The following CNTNAP2 variants were observed in gnomAD, a reference collection of about 807,000 sequenced individuals.
The protein encoded by CNTNAP2 is contactin associated protein 2.
In CNTNAP2, 98 loss-of-function variants were observed where a neutral mutation model predicts 155.2. That is an observed-to-expected ratio of 0.63 (90% confidence interval 0.54 to 0.75). The LOEUF (loss-of-function observed/expected upper bound fraction) is 0.75, where lower values mean the gene tolerates loss of function less well. Ranked by LOEUF, CNTNAP2 falls within the 30% of genes least tolerant of loss-of-function variation. The pLI, the probability that CNTNAP2 is intolerant of heterozygous loss-of-function variation, is 0.00. For missense variants in CNTNAP2, 1,727 were observed against 1,688.1 expected (o/e 1.02, Z -0.40); for synonymous variants, 651 against 631.2 (o/e 1.03, Z -0.47).
At chr7:146,381,021 A>G (rs1250446499) in intron 1 of CNTNAP2, among the ~76,000 whole-genome samples, 1 of 151,168 alleles carries the variant, frequency 6.6e-6, no homozygotes, top group Non-Finnish European at 1.5e-5. Flanking sequence ...GATGGTCTCG[A>G]TCTCCTGACC....
chr7:148,401,542 G>A (rs201914687), intron 22 of CNTNAP2, among the ~76,000 whole-genome samples: 18 of 151,726 alleles, frequency 1.2e-4, no homozygotes, highest in East Asian at 9.7e-4. Flanking sequence ...CCTTACCTTC[G>A]TGTTTATTTT....
chr7:146,794,242 G>C (rs1267232286), intron 2 of CNTNAP2, among the ~76,000 whole-genome samples: 1 of 152,088 alleles, frequency 6.6e-6, no homozygotes, highest in African/African-American at 2.4e-5. Flanking sequence ...TGTAGAAATA[G>C]TATTATCTCC....
intron 3 of CNTNAP2, among the ~76,000 whole-genome samples, chr7:146,905,799 G>A (rs926729064): frequency 5.9e-5 from 9 of 152,204 alleles, no homozygotes; most frequent in Admixed American, 5.9e-4. Flanking sequence ...GAGGAGCCAA[G>A]ATGGCCGAAT....
At chr7:146,362,878 C>A (rs572570600) in intron 1 of CNTNAP2, among the ~76,000 whole-genome samples, 21 of 146,106 alleles carry the variant, frequency 1.4e-4, no homozygotes, top group African/African-American at 4.8e-4. Flanking sequence ...TCAAGAGATT[C>A]TCCTGCCTCA....
At position 146,847,143 on chromosome 7, in the gene CNTNAP2, T is replaced by C. The variant is rs116737657; in HGVS notation, c.402+7239T>C. 5.2e-3 allele frequency among the ~76,000 whole-genome samples: 790 copies of C among 151,402 alleles called. 9 individuals carry two copies. Among genetic ancestry groups the C allele is most frequent in the African/African-American group, 0.018 (753 of 40,758 alleles). On this transcript the variant is annotated intron_variant, in intron 3 of 23. Coordinates refer to ENST00000361727, the MANE Select transcript of CNTNAP2 (RefSeq NM_014141.6). The stretch of plus-strand genomic sequence containing the variant: ...AATACATAGTTATATAATGTGTTGA[T>C]AAATGGGTACCTACAAATAATTTGA...
intron 11 of CNTNAP2, among the ~76,000 whole-genome samples, chr7:147,486,332 G>T (rs1457578552): frequency 1.3e-5 from 2 of 152,126 alleles, no homozygotes; most frequent in Non-Finnish European, 2.9e-5. Context: ...GCCTCTCTGT[G>T]TCTAACCCAC....
chr7:148,011,762 T>C (rs1205151458), intron 15 of CNTNAP2, among the ~76,000 whole-genome samples: 1 of 152,234 alleles, frequency 6.6e-6, no homozygotes, highest in African/African-American at 2.4e-5. Context: ...TAGACCTCTG[T>C]GAGGGCAGGC....
At chr7:146,369,688 T>C (rs940002650) in intron 1 of CNTNAP2, among the ~76,000 whole-genome samples, 1 of 152,198 alleles carries the variant, frequency 6.6e-6, no homozygotes, top group Non-Finnish European at 1.5e-5. Context: ...AAAAGCTACT[T>C]GAGTTTTTAA....
At chr7:146,171,741 A>AG (rs1798393801) in intron 1 of CNTNAP2, among the ~76,000 whole-genome samples, 1 of 152,138 alleles carries the variant, frequency 6.6e-6, no homozygotes, top group Non-Finnish European at 1.5e-5. Flanking sequence ...ATCATAAAAC[A>AG]TATATAATGT....
chr7:146,862,513 G>A (rs1795123589), intron 3 of CNTNAP2, among the ~76,000 whole-genome samples: 1 of 151,954 alleles, frequency 6.6e-6, no homozygotes, highest in Admixed American at 6.6e-5. Context: ...CAAAAAAAAC[G>A]CTAATGACAC....
At chr7:146,617,906 T>C (rs1427715449) in intron 1 of CNTNAP2, among the ~76,000 whole-genome samples, 1 of 152,152 alleles carries the variant, frequency 6.6e-6, no homozygotes, top group African/African-American at 2.4e-5. Context: ...CTTTTGTGAG[T>C]GTACTGCCTC....
At chr7:147,589,331 G>A (rs144766022) in intron 12 of CNTNAP2, among the ~76,000 whole-genome samples, 1 of 151,962 alleles carries the variant, frequency 6.6e-6, no homozygotes, top group Non-Finnish European at 1.5e-5. Flanking sequence ...CCTTGGCTTG[G>A]GACAGACTGT....
chr7:146,897,940 TA>T (rs145929625), intron 3 of CNTNAP2, among the ~76,000 whole-genome samples: 1,556 of 152,208 alleles, frequency 0.01, 24 homozygotes, highest in African/African-American at 0.035. Context: ...TGTTTATATA[TA>T]TTTTTAATAT....
intron 21 of CNTNAP2, among the ~76,000 whole-genome samples, chr7:148,319,455 A>C (rs940648827): frequency 6.6e-6 from 1 of 152,184 alleles, no homozygotes; most frequent in Non-Finnish European, 1.5e-5. Flanking sequence ...AACCTTGTGA[A>C]TACAATCAGT....
At position 148,420,343 on chromosome 7, in the gene CNTNAP2, T is replaced by TGGTA. The variant is rs1271561219; in HGVS notation, c.*4729_*4732dup. 2 of 152,238 alleles carry TGGTA rather than the reference T, an allele frequency of 1.3e-5. No individual in the cohort carries two copies. The highest frequency in any genetic ancestry group is 2.9e-5 in the Non-Finnish European group (2 of 68,038). The allele number at this position is 152,238 out of a possible 1,614,324, so 9.4% of individuals were successfully genotyped here. A position where few individuals can be genotyped will look rare whatever the true frequency, so the allele number is the denominator to read the frequency against. On this transcript the variant is annotated 3_prime_UTR_variant, in exon 24 of 24. Transcript: ENST00000361727. ...ATGCCTATTCTCCATGTACCCTGCATGGTAGTGCTGCAAACTTTAAAGTAC... is the reference window on the plus strand; with the variant it reads ...ATGCCTATTCTCCATGTACCCTGCATGGTAGGTAGTGCTGCAAACTTTAAAGTAC...
In CNTNAP2 at chr7:147,508,383, A is replaced by G. The variant is rs550722159; in HGVS notation, c.1777+22342A>G. On this transcript the variant is annotated intron_variant, in intron 11 of 23. Transcript: ENST00000361727. ...TCTAGCCACATCTAATTGGTCACCA[A>G]GTTCAGCATCTTCCATCTCTGGAAT... Among the ~76,000 whole-genome samples the G allele has an allele frequency of 2.3e-4, 35 of 152,260 alleles. No homozygotes were observed. The South Asian group carries it at 5.0e-3, about 22-fold the overall frequency.
intron 1 of CNTNAP2, among the ~76,000 whole-genome samples, chr7:146,743,063 G>A (rs944777691): frequency 8.6e-5 from 13 of 151,440 alleles, no homozygotes; most frequent in African/African-American, 2.9e-4. Flanking sequence ...TGTCTGCATC[G>A]AAACCCTGAT....
At chr7:147,731,880 A>T (rs572733550) in intron 13 of CNTNAP2, among the ~76,000 whole-genome samples, 1 of 152,288 alleles carries the variant, frequency 6.6e-6, no homozygotes, top group Admixed American at 6.5e-5. Context: ...GAGGGGTTCA[A>T]GACTCCAGTG....
chr7:146,603,375 G>T (rs1291552200), intron 1 of CNTNAP2, among the ~76,000 whole-genome samples: 1 of 150,358 alleles, frequency 6.7e-6, no homozygotes. Context: ...CCGCGCCACT[G>T]CACTCCAGCC....
Sources: allele counts gnomAD v4.1 joint callset (sites outside exome capture counted in the v4.1 genomes callset), GRCh38; gene constraint gnomAD v4.1.1; transcripts MANE v1.5; gene names NCBI Gene and HGNC (gene_info 2026-07-23, HGNC 2026-07-21).